The following GCA variants were observed in gnomAD, a reference collection of about 807,000 sequenced individuals.
The protein encoded by GCA is grancalcin.
Under a neutral mutation model 32.6 loss-of-function variants are expected in GCA, and 30 were observed. The ratio of observed to expected loss-of-function variants is 0.92; its 90% CI spans 0.69 to 1.25. The LOEUF (loss-of-function observed/expected upper bound fraction) is 1.25. Ranked by LOEUF, GCA falls within the 50% of genes most tolerant of loss-of-function variation. The pLI is 0.00. For synonymous variants in GCA, 102 were observed against 84.6 expected (o/e 1.21, Z -1.13); for missense variants, 291 against 266.8 (o/e 1.09, Z -0.63).
In GCA at chr2:162,359,069, A is replaced by G; in HGVS notation, c.480A>G (p.Leu160=). ...GTTATAGGTTGAGTCCTCAAACATTAACTACTATTGTTAAACGTTATAGCA... is the reference window on the plus strand; with the variant it reads ...GTTATAGGTTGAGTCCTCAAACATTGACTACTATTGTTAAACGTTATAGCA... ...LMGYRLSPQT[L]TTIVKRYSKN... Residue 160 remains leucine (L), a synonymous_variant, in exon 6 of 8, where the codon TTA becomes TTG. Transcript: ENST00000437150. 3 of 1,586,982 alleles carry G rather than the reference A, an allele frequency of 1.9e-6. No individual in the cohort carries two copies. Among genetic ancestry groups the G allele is most frequent in the Non-Finnish European group, 2.6e-6 (3 of 1,157,448 alleles).
At chr2:162,346,375 A>T (rs1684709225) in intron 1 of GCA, among the ~76,000 whole-genome samples, 1 of 152,166 alleles carries the variant, frequency 6.6e-6, no homozygotes, top group South Asian at 2.1e-4. Flanking sequence ...CCAGTCCCAT[A>T]ATTTGAGAAC....
intron 2 of GCA, among the ~76,000 whole-genome samples, chr2:162,349,700 G>T (rs1684893154): frequency 1.3e-5 from 2 of 152,230 alleles, no homozygotes; most frequent in African/African-American, 4.8e-5. Context: ...TCAAAGAGGA[G>T]ATTTGTAAAT....
chr2:162,371,378 T>A, exon 5 of GCA: 1 of 1,287,316 alleles, frequency 7.8e-7, no homozygotes, highest in Non-Finnish European at 1.0e-6. Context: ...CAAAAGTGAC[T>A]AAGTTCCCTT....
chr2:162,361,373 C>T lies in GCA; in HGVS notation c.*1130C>T. The T allele has an allele frequency of 1.0e-6, 1 of 974,418 alleles. No individual in the cohort carries two copies. Among genetic ancestry groups the T allele is most frequent in the Non-Finnish European group, 1.2e-6 (1 of 820,130 alleles). The allele number at this position is 974,418 out of a possible 1,614,324, so 60.4% of individuals were successfully genotyped here. A position where few individuals can be genotyped will look rare whatever the true frequency, so the allele number is the denominator to read the frequency against. ...ATGTAATTTCTTTCTTGGCAAACACCTCATGTCTGTCTTAGTGAAGATTTA... is the reference window on the plus strand; with the variant it reads ...ATGTAATTTCTTTCTTGGCAAACACTTCATGTCTGTCTTAGTGAAGATTTA... On this transcript the variant is annotated 3_prime_UTR_variant, in exon 8 of 8. Coordinates refer to ENST00000437150, the MANE Select transcript of GCA (RefSeq NM_012198.5).
At chr2:162,339,954 A>C (rs963434033), upstream of GCA, among the ~76,000 whole-genome samples, 1 of 152,352 alleles carries the variant, frequency 6.6e-6, no homozygotes, top group South Asian at 2.1e-4. Flanking sequence ...ATTATTTTCC[A>C]TATGCAATTG....
chr2:162,320,299 A>G (rs935262039), intron 1 of GCA, among the ~76,000 whole-genome samples: 1 of 152,236 alleles, frequency 6.6e-6, no homozygotes, highest in African/African-American at 2.4e-5. Context: ...TAATCCAATT[A>G]GATGTTTCTA....
chr2:162,326,558 C>T (rs1683887692), intron 1 of GCA, among the ~76,000 whole-genome samples: 1 of 152,002 alleles, frequency 6.6e-6, no homozygotes, highest in Admixed American at 6.6e-5. Flanking sequence ...GTTCTGTCAC[C>T]CAGGCTGGAG....
chr2:162,326,523 T>C (rs1177847953), intron 1 of GCA, among the ~76,000 whole-genome samples: 1 of 152,094 alleles, frequency 6.6e-6, no homozygotes, highest in African/African-American at 2.4e-5. Flanking sequence ...CTTTTTTCTT[T>C]TCTTTTTTTT....
intron 5 of GCA, 72 bp from the exon 6 acceptor site, chr2:162,358,971 CT>C (rs1685420452): frequency 4.5e-6 from 3 of 672,878 alleles, no homozygotes; most frequent in Non-Finnish European, 7.7e-6. Context: ...TATTTTATGA[CT>C]TAATGAGAAA....
chr2:162,374,051 T>C (rs1216364756), downstream of GCA, among the ~76,000 whole-genome samples: 2 of 152,224 alleles, frequency 1.3e-5, no homozygotes, highest in African/African-American at 4.8e-5. Flanking sequence ...AAAAAATAGA[T>C]TGGTAGCACA....
In GCA at chr2:162,347,606, G is replaced by C; in HGVS notation, c.56G>C (p.Gly19Ala). Residue 19 changes from glycine (G) to alanine (A), a missense_variant, in exon 2 of 8, where the codon GGA (glycine) becomes GCA (alanine). By Grantham distance (60) the Gly-to-Ala change is moderately conservative. Coordinates refer to ENST00000437150, the MANE Select transcript of GCA (RefSeq NM_012198.5). ...GGAAATTTTAGCATTCAGGTGCCAG[G>C]AATGCAGATGGGACAGCCAGTGCCA... The part of the protein sequence containing the change: ...GFGNFSIQVP[G>A]MQMGQPVPET... The C allele has an allele frequency of 6.2e-7, 1 of 1,608,226 alleles. No homozygotes were observed. The highest frequency in any genetic ancestry group is 1.1e-5 in the South Asian group (1 of 90,324).
In GCA at chr2:162,359,043, G is replaced by C; in HGVS notation, c.455-1G>C. 1 of 1,422,720 alleles carries C rather than the reference G, an allele frequency of 7.0e-7. No homozygotes were observed. The highest frequency in any genetic ancestry group is 9.8e-7 in the Non-Finnish European group (1 of 1,016,214). 88.1% of individuals were successfully genotyped at this position (1,422,720 alleles called of 1,614,324 possible). ...GAAGTTTTAATTTATCTCTTTTTTA[G>C]GTTATAGGTTGAGTCCTCAAACATT... On this transcript the variant is annotated splice_acceptor_variant, in intron 5 of 7. Coordinates refer to ENST00000437150, the MANE Select transcript of GCA (RefSeq NM_012198.5). LOFTEE classifies it high-confidence loss of function.
chr2:162,339,713 G>T (rs1052335600), upstream of GCA, among the ~76,000 whole-genome samples: 6 of 152,178 alleles, frequency 3.9e-5, no homozygotes, highest in Non-Finnish European at 8.8e-5. Flanking sequence ...CCAAGCAAAG[G>T]TCATGTGAGG....
intron 5 of GCA, among the ~76,000 whole-genome samples, chr2:162,357,487 A>G (rs1685339972): frequency 6.6e-6 from 1 of 151,840 alleles, no homozygotes; most frequent in African/African-American, 2.4e-5. Flanking sequence ...ATGCAGTTTT[A>G]AGTAGCTTTA....
chr2:162,322,865 C>T (rs1489443626), intron 1 of GCA, among the ~76,000 whole-genome samples: 1 of 151,796 alleles, frequency 6.6e-6, no homozygotes, highest in Non-Finnish European at 1.5e-5. Flanking sequence ...CCACAATAAA[C>T]ATACATGTGC....
chr2:162,354,661 C>T (rs962142571), intron 3 of GCA, among the ~76,000 whole-genome samples: 7 of 152,150 alleles, frequency 4.6e-5, no homozygotes, highest in Non-Finnish European at 8.8e-5. Flanking sequence ...GGGTCTTCTC[C>T]AAGGGTTGCT....
chr2:162,324,115 A>C (rs1464662177), intron 1 of GCA, among the ~76,000 whole-genome samples: 1 of 152,080 alleles, frequency 6.6e-6, no homozygotes, highest in Admixed American at 6.5e-5. Context: ...GTGGATGTTT[A>C]CAGCTTCTGA....
At chr2:162,370,704 G>C (rs1269347818) in intron 4 of GCA, among the ~76,000 whole-genome samples, 3 of 152,054 alleles carry the variant, frequency 2.0e-5, no homozygotes, top group African/African-American at 7.2e-5. Flanking sequence ...ATACTTAATG[G>C]AAACTAGTTT....
downstream of GCA, among the ~76,000 whole-genome samples, chr2:162,372,577 GTTAAA>G (rs1168547978): frequency 6.7e-6 from 1 of 148,696 alleles, no homozygotes; most frequent in East Asian, 1.9e-4. Context: ...TTCAAAACTA[GTTAAA>G]TTAATTTCTA....
Sources: gnomAD v4.1 joint callset for allele counts (sites outside exome capture counted in the v4.1 genomes callset) on GRCh38, gnomAD v4.1.1 for gene constraint, MANE v1.5 for transcripts, NCBI Gene and HGNC (gene_info 2026-07-23, HGNC 2026-07-21) for gene names.